TAX1BP1: variants seen among roughly 807,000 people sequenced by gnomAD.
TAX1BP1 encodes the protein tax1-binding protein 1.
In TAX1BP1, 62 loss-of-function variants were observed where a neutral mutation model predicts 97.7. The ratio of observed to expected loss-of-function variants is 0.63; its 90% CI spans 0.52 to 0.78. The LOEUF is 0.78. Ranked by LOEUF, TAX1BP1 falls within the 30% of genes least tolerant of loss-of-function variation. The pLI, the probability that TAX1BP1 is intolerant of heterozygous loss-of-function variation, is 0.00. For synonymous variants in TAX1BP1, 340 were observed against 304.2 expected, an observed-to-expected ratio of 1.12 and a Z score of -1.23; for missense variants, 867 against 916.1, an observed-to-expected ratio of 0.95 and a Z score of 0.69.
At chr7:27,808,958 C>G (rs1426997128) in intron 13 of TAX1BP1, among the ~76,000 whole-genome samples, 1 of 152,122 alleles carries the variant, frequency 6.6e-6, no homozygotes, top group Non-Finnish European at 1.5e-5. Flanking sequence ...GATATTTTGA[C>G]AAAGTCTATT....
At chr7:27,826,489 C>T (rs1791183083) in intron 15 of TAX1BP1, among the ~76,000 whole-genome samples, 1 of 151,956 alleles carries the variant, frequency 6.6e-6, no homozygotes. Context: ...AATAGCAGCT[C>T]TGGGGCAAGC....
intron 1 of TAX1BP1, among the ~76,000 whole-genome samples, chr7:27,747,880 AAG>A (rs1787884128): frequency 6.6e-6 from 1 of 151,776 alleles, no homozygotes; most frequent in South Asian, 2.1e-4. Context: ...TTTTTTTTTA[AAG>A]GCCCCTAATG....
chr7:27,749,427 C>T (rs1787943527), intron 2 of TAX1BP1, among the ~76,000 whole-genome samples: 1 of 152,140 alleles, frequency 6.6e-6, no homozygotes, highest in Non-Finnish European at 1.5e-5. Context: ...CTGTAGTCTT[C>T]CTCAGAATCA....
chr7:27,770,968 G>A (rs368983157), intron 5 of TAX1BP1, among the ~76,000 whole-genome samples: 2 of 151,888 alleles, frequency 1.3e-5, no homozygotes, highest in East Asian at 1.9e-4. Context: ...GCAGACTATA[G>A]GAGTAGGATT....
chr7:27,751,308 G>A (rs1477013628), intron 2 of TAX1BP1, among the ~76,000 whole-genome samples: 1 of 152,122 alleles, frequency 6.6e-6, no homozygotes, highest in Non-Finnish European at 1.5e-5. Flanking sequence ...GAAGGCTCAA[G>A]GAAGAAAATA....
chr7:27,763,829 C>G (rs957279468), intron 3 of TAX1BP1, among the ~76,000 whole-genome samples: 7 of 151,506 alleles, frequency 4.6e-5, no homozygotes, highest in Admixed American at 3.9e-4. Context: ...TGTCTTGATG[C>G]CAGAGCTGAT....
At chr7:27,821,675 G>A (rs1790982267) in intron 15 of TAX1BP1, among the ~76,000 whole-genome samples, 1 of 151,224 alleles carries the variant, frequency 6.6e-6, no homozygotes, top group Admixed American at 6.6e-5. Flanking sequence ...GTGATAGCTT[G>A]AGATATAATT....
chr7:27,824,417 G>C (rs1483427454), intron 15 of TAX1BP1, among the ~76,000 whole-genome samples: 1 of 151,686 alleles, frequency 6.6e-6, no homozygotes, highest in Non-Finnish European at 1.5e-5. Context: ...TACCGAGTGT[G>C]GTGGTACACG....
At chr7:27,807,426 T>C (rs1451168055) in intron 13 of TAX1BP1, among the ~76,000 whole-genome samples, 2 of 152,182 alleles carry the variant, frequency 1.3e-5, no homozygotes, top group Admixed American at 6.5e-5. Flanking sequence ...TTTCCCTTTA[T>C]CTGGAACAAC....
chr7:27,764,820 T>A (rs1213037121), intron 3 of TAX1BP1, among the ~76,000 whole-genome samples: 1 of 151,436 alleles, frequency 6.6e-6, no homozygotes, highest in Non-Finnish European at 1.5e-5. Flanking sequence ...TGAAATAAAG[T>A]CTAATACCAT....
At chr7:27,749,664 G>A (rs1399454824) in intron 2 of TAX1BP1, among the ~76,000 whole-genome samples, 1 of 152,166 alleles carries the variant, frequency 6.6e-6, no homozygotes, top group Admixed American at 6.5e-5. Context: ...CTCATTTCTT[G>A]ATGTTTCTGA....
chr7:27,810,949 C>T (rs1790536996), intron 13 of TAX1BP1, among the ~76,000 whole-genome samples: 1 of 152,028 alleles, frequency 6.6e-6, no homozygotes, highest in Non-Finnish European at 1.5e-5. Flanking sequence ...ATAGTCTCTT[C>T]CTAGTATACA....
intron 4 of TAX1BP1, among the ~76,000 whole-genome samples, chr7:27,768,155 C>T (rs917969304): frequency 2.0e-5 from 3 of 151,864 alleles, no homozygotes; most frequent in Non-Finnish European, 4.4e-5. Flanking sequence ...GCCAACTGTC[C>T]TTATTAGGTG....
chr7:27,828,928 C>CATGAAA lies in TAX1BP1; in HGVS notation c.*102_*103insAAAATG. On this transcript the variant is annotated 3_prime_UTR_variant, in exon 17 of 17. Coordinates refer to ENST00000396319, the MANE Select transcript of TAX1BP1 (RefSeq NM_006024.7). ...GAGGAGACCATAGAGCGGATGCTTT[C>CATGAAA]ATGCACCCTTTACTGCACTTTCTGA... is the stretch of plus-strand genomic sequence containing the variant. The CATGAAA allele has an allele frequency of 1.1e-6, 1 of 951,632 alleles. No individual in the cohort carries two copies. Among genetic ancestry groups the CATGAAA allele is most frequent in the Non-Finnish European group, 1.5e-6 (1 of 651,980 alleles). The allele number at this position is 951,632 out of a possible 1,614,324, so 58.9% of individuals were successfully genotyped here. A position where few individuals can be genotyped will look rare whatever the true frequency, so the allele number is the denominator to read the frequency against.
intron 1 of TAX1BP1, among the ~76,000 whole-genome samples, chr7:27,742,116 G>C (rs985875824): frequency 6.6e-6 from 1 of 152,172 alleles, no homozygotes; most frequent in South Asian, 2.1e-4. Flanking sequence ...GCCCAGGGAC[G>C]GGCAGGAGAC....
rs1301896725 is a variant in TAX1BP1 at position 27,792,235 on chromosome 7, A to T, written c.1263+5A>T. 1.3e-6 allele frequency: 2 copies of T among 1,593,248 alleles called. No individual in the cohort carries two copies. Among genetic ancestry groups the T allele is most frequent in the Non-Finnish European group, 1.7e-6 (2 of 1,168,662 alleles). ...AATGCTATGAAAAAAGATCAGGTAA[A>T]ACAAGTTAATTTTGAATTTGCATTT... On this transcript the variant is annotated splice_donor_5th_base_variant and intron_variant, in intron 9 of 16. Coordinates refer to ENST00000396319, the MANE Select transcript of TAX1BP1 (RefSeq NM_006024.7).
At chr7:27,824,815 TTAA>T (rs1791111636) in intron 15 of TAX1BP1, among the ~76,000 whole-genome samples, 1 of 152,148 alleles carries the variant, frequency 6.6e-6, no homozygotes, top group Non-Finnish European at 1.5e-5. Flanking sequence ...TAAAGTAATA[TTAA>T]TAAAAGTTTT....
intron 13 of TAX1BP1, among the ~76,000 whole-genome samples, chr7:27,801,143 C>T (rs1470167643): frequency 8.8e-6 from 1 of 113,090 alleles, no homozygotes; most frequent in Admixed American, 8.3e-5. Context: ...AAAAAAAAAA[C>T]AGGCTGTCCA....
intron 5 of TAX1BP1, chr7:27,772,299 T>A (rs1788876102): frequency 6.6e-6 from 1 of 152,066 alleles, no homozygotes; most frequent in Non-Finnish European, 1.5e-5. Flanking sequence ...GGCACTTGTT[T>A]TAAATCTGTT....
Sources: allele counts gnomAD v4.1 joint callset (sites outside exome capture counted in the v4.1 genomes callset), GRCh38; gene constraint gnomAD v4.1.1; transcripts MANE v1.5; gene names NCBI Gene and HGNC (gene_info 2026-07-23, HGNC 2026-07-21).